DYNC2I1: variants seen among roughly 807,000 people sequenced by gnomAD.
The protein encoded by DYNC2I1 is dynein 2 intermediate chain 1.
A neutral mutation model predicts 133.4 loss-of-function variants in DYNC2I1; 89 were observed. The observed-to-expected ratio is 0.67, with a 90% CI of 0.56 to 0.80. The LOEUF (loss-of-function observed/expected upper bound fraction) is 0.80, where lower values mean the gene tolerates loss of function less well. Among genes scored for constraint, DYNC2I1 ranks in the 30% least tolerant of loss-of-function variants. The pLI is 0.00. For missense variants in DYNC2I1, 1,291 were observed against 1,314.5 expected, an observed-to-expected ratio of 0.98 and a Z score of 0.28; for synonymous variants, 504 against 484.3, an observed-to-expected ratio of 1.04 and a Z score of -0.54.
chr7:158,900,436 A>G (rs116562588), intron 8 of DYNC2I1, among the ~76,000 whole-genome samples: 2,468 of 152,082 alleles, frequency 0.016, 73 homozygotes, highest in African/African-American at 0.057. Flanking sequence ...ATTCTTATCT[A>G]TGTTCCTCAG....
At chr7:158,873,880 C>T (rs1254681521) in intron 3 of DYNC2I1, among the ~76,000 whole-genome samples, 1 of 151,838 alleles carries the variant, frequency 6.6e-6, no homozygotes, top group African/African-American at 2.4e-5. Flanking sequence ...CCTCAGCCTC[C>T]CGAGTAGCTG....
chr7:158,890,289 A>G lies in DYNC2I1; in HGVS notation c.991-976A>G, dbSNP rs1845073063. ...TCAGTATAAAAATTATCAGTGAGGT[A>G]ACCAATGGGATATTTTACATTCTTT... On this transcript the variant is annotated intron_variant, in intron 7 of 24. Coordinates refer to ENST00000407559, the MANE Select transcript of DYNC2I1 (RefSeq NM_018051.5). Among the ~76,000 whole-genome samples the G allele has an allele frequency of 1.3e-5, 2 of 152,208 alleles. 1 individual carries two copies. Among genetic ancestry groups the G allele is most frequent in the Admixed American group, 1.3e-4 (2 of 15,280 alleles).
At chr7:158,948,087 G>A (rs1300701296), downstream of DYNC2I1, among the ~76,000 whole-genome samples, 1 of 152,210 alleles carries the variant, frequency 6.6e-6, no homozygotes, top group Non-Finnish European at 1.5e-5. Context: ...CTGCCCTGGC[G>A]CTAGCGATGC....
At chr7:158,843,290 C>T in the DYNC2I1 span, among the ~76,000 whole-genome samples, 5 of 151,816 alleles carry the variant, frequency 3.3e-5, no homozygotes, top group Non-Finnish European at 7.4e-5. Context: ...GATGGAGTTT[C>T]GCTCTTGTTG....
intron 11 of DYNC2I1, among the ~76,000 whole-genome samples, chr7:158,911,266 C>T (rs961818112): frequency 6.6e-6 from 1 of 152,174 alleles, no homozygotes; most frequent in Non-Finnish European, 1.5e-5. Context: ...TTTGTGTTAG[C>T]TCAGGCATAC....
intron 6 of DYNC2I1, among the ~76,000 whole-genome samples, chr7:158,885,121 G>A (rs570124679): frequency 1.3e-5 from 2 of 152,070 alleles, no homozygotes; most frequent in African/African-American, 4.8e-5. Context: ...ACGTGCCGGC[G>A]AGTCCCCCTC....
intron 3 of DYNC2I1, among the ~76,000 whole-genome samples, chr7:158,873,668 C>T (rs1233032892): frequency 2.0e-5 from 3 of 152,064 alleles, no homozygotes; most frequent in Non-Finnish European, 2.9e-5. Context: ...GCCCTGTCGC[C>T]CAGGTTGTAG....
intron 1 of DYNC2I1, among the ~76,000 whole-genome samples, chr7:158,861,222 A>G (rs1841844228): frequency 6.6e-6 from 1 of 152,234 alleles, no homozygotes; most frequent in Admixed American, 6.5e-5. Context: ...TAAATCTGCA[A>G]TTCAGGAGTG....
At chr7:158,883,379 A>AT (rs1844246697) in intron 5 of DYNC2I1, among the ~76,000 whole-genome samples, 1 of 138,832 alleles carries the variant, frequency 7.2e-6, no homozygotes, top group Non-Finnish European at 1.6e-5. Flanking sequence ...CTGGCTTATT[A>AT]TTATTTTTTT....
chr7:158,939,603 G>C (rs1482262629), intron 23 of DYNC2I1, among the ~76,000 whole-genome samples: 1 of 152,200 alleles, frequency 6.6e-6, no homozygotes, highest in Non-Finnish European at 1.5e-5. Flanking sequence ...CAAAATGGCA[G>C]TAGAATGTTC....
chr7:158,910,100 C>G (rs1011178122), intron 11 of DYNC2I1, among the ~76,000 whole-genome samples: 10 of 152,204 alleles, frequency 6.6e-5, no homozygotes, highest in Non-Finnish European at 1.5e-4. Context: ...TCTGCCCTTG[C>G]GAGTTTATAT....
downstream of DYNC2I1, among the ~76,000 whole-genome samples, chr7:158,947,251 T>TG (rs1487183165): frequency 6.6e-6 from 1 of 152,124 alleles, no homozygotes. Flanking sequence ...GGTTCACAGT[T>TG]GCGTGGAAAG....
intron 3 of DYNC2I1, among the ~76,000 whole-genome samples, chr7:158,872,129 AAC>A (rs1842942848): frequency 6.6e-6 from 1 of 151,372 alleles, no homozygotes; most frequent in South Asian, 2.1e-4. Flanking sequence ...CAGCTTGGGG[AAC>A]ACAGGGAGAC....
Position 158,914,340 on chromosome 7 carries a change from T to C in DYNC2I1, c.1791+19T>C, listed in dbSNP as rs199724771. ...TTGTCAGGTATACTCAACCTATATA[T>C]GTTGTGTTCTCTGTGTAAGTGCTTA... On this transcript the variant is annotated intron_variant, in intron 14 of 24. Coordinates refer to ENST00000407559, the MANE Select transcript of DYNC2I1 (RefSeq NM_018051.5). The C allele has an allele frequency of 5.0e-4, 790 of 1,591,928 alleles. 5 individuals carry two copies. The African/African-American group carries it at 9.7e-3, about 20-fold the overall frequency.
chr7:158,912,910 CATTATT>C (rs1585130929), intron 12 of DYNC2I1, 69 bp from the exon 13 acceptor site: 1 of 1,043,980 alleles, frequency 9.6e-7, no homozygotes, highest in Non-Finnish European at 1.4e-6. Context: ...CAGTGACTCT[CATTATT>C]ATTTCAGTAA....
chr7:158,927,775 CT>C (rs1849772354), intron 20 of DYNC2I1, among the ~76,000 whole-genome samples: 1 of 152,198 alleles, frequency 6.6e-6, no homozygotes, highest in African/African-American at 2.4e-5. Flanking sequence ...TGGTCTTGAA[CT>C]CCTGACTTGA....
intron 23 of DYNC2I1, among the ~76,000 whole-genome samples, chr7:158,937,906 A>G (rs1248789061): frequency 6.6e-6 from 1 of 152,190 alleles, no homozygotes; most frequent in Non-Finnish European, 1.5e-5. Flanking sequence ...TTCTAAAAAG[A>G]AAAAAGAAAG....
upstream of DYNC2I1, among the ~76,000 whole-genome samples, chr7:158,854,766 G>C (rs1056723146): frequency 2.6e-5 from 4 of 152,228 alleles, no homozygotes; most frequent in African/African-American, 9.6e-5. Flanking sequence ...GATGGAGTCA[G>C]GTTAGATCTC....
intron 20 of DYNC2I1, among the ~76,000 whole-genome samples, chr7:158,930,074 G>A (rs1178677968): frequency 2.0e-5 from 3 of 152,208 alleles, no homozygotes; most frequent in African/African-American, 2.4e-5. Flanking sequence ...TCCTGTAGGC[G>A]TTGGAGCCTC....
Sources: gnomAD v4.1 joint callset for allele counts (sites outside exome capture counted in the v4.1 genomes callset) on GRCh38, gnomAD v4.1.1 for gene constraint, MANE v1.5 for transcripts, NCBI Gene and HGNC (gene_info 2026-07-23, HGNC 2026-07-21) for gene names.